Variants in TNKS observed in about 807,000 individuals in gnomAD.
TNKS encodes tankyrase, also known as poly [ADP-ribose] polymerase tankyrase-1.
Under a neutral mutation model 135.8 loss-of-function variants are expected in TNKS, and 72 were observed. The ratio of observed to expected loss-of-function variants is 0.53; its 90% CI spans 0.44 to 0.64. The LOEUF is 0.64. TNKS is among the 30% of genes least tolerant of loss of function. The probability of loss-of-function intolerance (pLI) is 0.00; values close to 1 mark genes in which losing one functional copy is unlikely to be tolerated. For synonymous variants in TNKS, 849 were observed against 649.3 expected (o/e 1.31, Z -4.68); for missense variants, 1,769 against 1,674.0 (o/e 1.06, Z -0.99).
Position 9,748,087 on chromosome 8 carries a change from G to A in TNKS, c.2707G>A (p.Ala903Thr), listed in dbSNP as rs917872559. ...GTGTGTAAATGCAACAGATAAGTGG[G>A]CGTTTACTCCCCTCCATGAAGCAGC... ...NTCVNATDKW[A>T]FTPLHEAAQK... The change falls in exon 18 of 27, where the codon GCG becomes ACG. Residue 903 changes from alanine to threonine, a missense_variant. Around this residue, in one of 5 missense-constraint regions of TNKS, gnomAD observed 722 missense variants for 688.9 expected, o/e 1.05. Coordinates refer to ENST00000310430, the MANE Select transcript of TNKS (RefSeq NM_003747.3). 1 of 1,613,930 alleles carries A rather than the reference G, an allele frequency of 6.2e-7. No homozygotes were observed. Among genetic ancestry groups the A allele is most frequent in the African/African-American group, 1.3e-5 (1 of 74,998 alleles).
chr8:9,761,993 C>G (rs1405206856), intron 21 of TNKS, among the ~76,000 whole-genome samples: 2 of 152,234 alleles, frequency 1.3e-5, no homozygotes, highest in Non-Finnish European at 2.9e-5. Context: ...AGTACCTTCT[C>G]TACAATGTGA....
At chr8:9,645,572 C>A (rs1800890315) in intron 3 of TNKS, among the ~76,000 whole-genome samples, 1 of 152,026 alleles carries the variant, frequency 6.6e-6, no homozygotes, top group South Asian at 2.1e-4. Context: ...TTGCAGGGAC[C>A]TCAGATTCCA....
chr8:9,579,160 CTT>C lies in TNKS; in HGVS notation c.674-998_674-997del, dbSNP rs753685767. Reference sequence around the variant, plus strand: ...TTTTTGTCTGAAAACTGTGATACTTCTTATAAAATTCTGGTTTTATATTCCCA... The same window carrying C: ...TTTTTGTCTGAAAACTGTGATACTTCATAAAATTCTGGTTTTATATTCCCA... On this transcript the variant is annotated intron_variant, in intron 1 of 26. Transcript: ENST00000310430. Among the ~76,000 whole-genome samples, 82 of 152,296 alleles carry C rather than the reference CTT, an allele frequency of 5.4e-4. 1 individual carries two copies. Among genetic ancestry groups the C allele is most frequent in the Middle Eastern group, 3.4e-3 (1 of 294 alleles).
chr8:9,618,433 C>T (rs956394950), intron 3 of TNKS, among the ~76,000 whole-genome samples: 5 of 152,194 alleles, frequency 3.3e-5, no homozygotes, highest in African/African-American at 1.2e-4. Context: ...CAGAGAGACT[C>T]ATCATCCTCT....
chr8:9,613,759 C>A (rs979482047), intron 2 of TNKS, among the ~76,000 whole-genome samples: 5 of 152,098 alleles, frequency 3.3e-5, no homozygotes, highest in Non-Finnish European at 7.4e-5. Context: ...ATTTCTATTG[C>A]AAAATGGGCA....
chr8:9,704,301 A>G (rs886399106), intron 5 of TNKS, among the ~76,000 whole-genome samples: 2 of 152,184 alleles, frequency 1.3e-5, no homozygotes, highest in Admixed American at 6.5e-5. Flanking sequence ...GACAGGATTT[A>G]AGTAGGATAA....
intron 2 of TNKS, among the ~76,000 whole-genome samples, chr8:9,607,094 G>A (rs1339058525): frequency 6.6e-6 from 1 of 152,032 alleles, no homozygotes; most frequent in Non-Finnish European, 1.5e-5. Context: ...GAGCTTTTAT[G>A]GGGGTCATGC....
chr8:9,641,437 G>A (rs894570064), intron 3 of TNKS, among the ~76,000 whole-genome samples: 1 of 144,630 alleles, frequency 6.9e-6, no homozygotes, highest in Non-Finnish European at 1.5e-5. Flanking sequence ...AAATATCTCT[G>A]CTTCATACAC....
At chr8:9,672,391 C>T (rs528919589) in intron 3 of TNKS, among the ~76,000 whole-genome samples, 43 of 151,916 alleles carry the variant, frequency 2.8e-4, no homozygotes, top group Non-Finnish European at 5.7e-4. Context: ...TACTATGTAA[C>T]AGTGATATTT....
chr8:9,733,168 G>T (rs149222643), intron 14 of TNKS, 111 bp from the exon 15 acceptor site: 1 of 881,624 alleles, frequency 1.1e-6, no homozygotes, highest in Non-Finnish European at 1.6e-6. Flanking sequence ...TTCTTTTTGC[G>T]CAGTGTTCAG....
chr8:9,582,830 A>T (rs896990993), intron 2 of TNKS, among the ~76,000 whole-genome samples: 1 of 152,128 alleles, frequency 6.6e-6, no homozygotes, highest in South Asian at 2.1e-4. Context: ...GTGGTACAGA[A>T]TTCCCATTTC....
intron 17 of TNKS, among the ~76,000 whole-genome samples, chr8:9,740,624 T>C (rs1028951912): frequency 1.3e-5 from 2 of 152,164 alleles, no homozygotes; most frequent in African/African-American, 4.8e-5. Context: ...TGAGTGTTAG[T>C]ACTGAAATCC....
chr8:9,634,533 A>G (rs1247175916), intron 3 of TNKS, among the ~76,000 whole-genome samples: 4 of 152,188 alleles, frequency 2.6e-5, no homozygotes, highest in African/African-American at 9.7e-5. Context: ...CAACTATTTT[A>G]TGTATGTTGT....
At chr8:9,566,884 A>T (rs1006341185) in intron 1 of TNKS, among the ~76,000 whole-genome samples, 3 of 152,090 alleles carry the variant, frequency 2.0e-5, no homozygotes, top group African/African-American at 7.2e-5. Context: ...CTGGGATTAC[A>T]GGCGTGAGCC....
chr8:9,596,468 A>T (rs148073975), intron 2 of TNKS, among the ~76,000 whole-genome samples: 1 of 152,192 alleles, frequency 6.6e-6, no homozygotes, highest in South Asian at 2.1e-4. Flanking sequence ...TAAAAAACGT[A>T]GTGTCTTGTA....
chr8:9,662,099 T>C (rs1315430113), intron 3 of TNKS, among the ~76,000 whole-genome samples: 1 of 152,178 alleles, frequency 6.6e-6, no homozygotes, highest in African/African-American at 2.4e-5. Flanking sequence ...CAACAGGTGC[T>C]GGAGAGGATG....
Position 9,556,370 on chromosome 8 carries a change from C to T in TNKS, c.431C>T (p.Ser144Phe), listed in dbSNP as rs759020372. 1.9e-6 allele frequency: 3 copies of T among 1,614,246 alleles called. No homozygotes were observed. Among genetic ancestry groups the T allele is most frequent in the Non-Finnish European group, 1.7e-6 (2 of 1,180,042 alleles). ...ACTTCTTCCTCATCTTCCTCTCCAT[C>T]CTCCCCTGGATCGAGCTTGGCGGAG... Reference protein sequence around the residue: ...SPTSSSSSSPSSPGSSLAESP... With the variant: ...SPTSSSSSSPFSPGSSLAESP... Residue 144 changes from serine to phenylalanine, a missense_variant, in exon 1 of 27, where the codon TCC becomes TTC. Around this residue, in one of 5 missense-constraint regions of TNKS, gnomAD observed 450 missense variants for 304.9 expected, o/e 1.48. Coordinates refer to ENST00000310430, the MANE Select transcript of TNKS (RefSeq NM_003747.3).
At chr8:9,570,053 A>C (rs1335219636) in intron 1 of TNKS, among the ~76,000 whole-genome samples, 3 of 152,158 alleles carry the variant, frequency 2.0e-5, no homozygotes, top group Admixed American at 6.5e-5. Flanking sequence ...ACCTTAATCT[A>C]TTTTAAATTT....
chr8:9,760,419 C>T (rs894573367), intron 20 of TNKS, among the ~76,000 whole-genome samples: 1 of 152,036 alleles, frequency 6.6e-6, no homozygotes. Context: ...TTTATTCTGA[C>T]AAAAAAATCA....
Sources: gnomAD v4.1 joint callset for allele counts (sites outside exome capture counted in the v4.1 genomes callset) on GRCh38, gnomAD v4.1.1 for gene constraint, gnomAD v4.1.1 regional missense constraint, MANE v1.5 for transcripts, NCBI Gene and HGNC (gene_info 2026-07-23, HGNC 2026-07-21) for gene names.